ZNF486: variants seen among roughly 807,000 people sequenced by gnomAD.
ZNF486 encodes KRAB box only protein 2.
Under a neutral mutation model 12.8 loss-of-function variants are expected in ZNF486, and 12 were observed. The ratio of observed to expected loss-of-function variants is 0.94; its 90% confidence interval spans 0.60 to 1.52. The LOEUF is 1.52. ZNF486 is among the 40% of genes most tolerant of loss of function. The pLI is 0.00. For synonymous variants in ZNF486, 231 were observed against 184.9 expected, an observed-to-expected ratio of 1.25 and a Z score of -2.02; for missense variants, 738 against 545.0, an observed-to-expected ratio of 1.35 and a Z score of -3.53.
rs2089996473 is a variant in ZNF486 at position 20,199,804 on chromosome 19, G to A, written c.*1702G>A. 1 of 150,288 alleles carries A rather than the reference G, an allele frequency of 6.7e-6. No homozygotes were observed. The highest frequency in any genetic ancestry group is 2.1e-4 in the South Asian group (1 of 4,704). The allele number at this position is 150,288 out of a possible 1,614,324, so 9.3% of individuals were successfully genotyped here. ...AAGTATACTTGTTCCAGCTGCGTGT[G>A]GTGGCTCATGCCTGTAATCCCAACA... On this transcript the variant is annotated 3_prime_UTR_variant, in exon 4 of 4. Coordinates refer to ENST00000335117, the MANE Select transcript of ZNF486 (RefSeq NM_052852.4).
intron 1 of ZNF486, among the ~76,000 whole-genome samples, chr19:20,168,295 G>A (rs927356385): frequency 6.6e-6 from 1 of 151,878 alleles, no homozygotes; most frequent in Non-Finnish European, 1.5e-5. Flanking sequence ...GGAGGCGGAG[G>A]TTGCAGTGAG....
chr19:20,196,309 C>G (rs118168793), intron 3 of ZNF486, among the ~76,000 whole-genome samples: 1 of 152,058 alleles, frequency 6.6e-6, no homozygotes, highest in Non-Finnish European at 1.5e-5. Flanking sequence ...AGCTATCATG[C>G]CTTGTTGGCA....
In ZNF486 at chr19:20,167,272, C is replaced by T. The variant is rs1555713132; in HGVS notation, c.-59C>T. On this transcript the variant is annotated 5_prime_UTR_variant, in exon 1 of 4. Transcript: ENST00000335117. The stretch of plus-strand genomic sequence containing the variant: ...CTTCGCTACTCTGTGTCCTCTGCTC[C>T]TAGAGGCCCACCCTCTGTGGCCCTG... 1.2e-6 allele frequency: 2 copies of T among 1,608,844 alleles called. No homozygotes were observed. The highest frequency in any genetic ancestry group is 1.3e-5 in the African/African-American group (1 of 74,962).
chr19:20,194,938 G>C (rs2089943346), intron 3 of ZNF486, among the ~76,000 whole-genome samples: 1 of 151,854 alleles, frequency 6.6e-6, no homozygotes, highest in African/African-American at 2.4e-5. Context: ...AAATTTTTCA[G>C]TTTTTTATAT....
intron 3 of ZNF486, among the ~76,000 whole-genome samples, chr19:20,193,119 A>T (rs1211195236): frequency 6.6e-6 from 1 of 152,022 alleles, no homozygotes. Flanking sequence ...CATACATCTT[A>T]AAGTTAAAAC....
At chr19:20,177,248 CCT>C (rs1400120094) in intron 1 of ZNF486, among the ~76,000 whole-genome samples, 4 of 152,206 alleles carry the variant, frequency 2.6e-5, no homozygotes, top group African/African-American at 4.8e-5. Flanking sequence ...CAGAGCCACT[CCT>C]CTAAACTGTA....
At chr19:20,192,750 A>ACAGAGTGAGATAGTG (rs1555717353) in intron 3 of ZNF486, among the ~76,000 whole-genome samples, 1 of 152,152 alleles carries the variant, frequency 6.6e-6, no homozygotes, top group Non-Finnish European at 1.5e-5. Flanking sequence ...CATCATAGCC[A>ACAGAGTGAGATAGTG]TCTATGTTTT....
intron 1 of ZNF486, among the ~76,000 whole-genome samples, chr19:20,181,353 C>G (rs2089783045): frequency 6.6e-6 from 1 of 152,078 alleles, no homozygotes; most frequent in South Asian, 2.1e-4. Flanking sequence ...TCCTGGCTAA[C>G]ACGGTGAAAC....
chr19:20,191,190 G>A (rs1293175452), intron 3 of ZNF486, among the ~76,000 whole-genome samples: 1 of 152,216 alleles, frequency 6.6e-6, no homozygotes, highest in African/African-American at 2.4e-5. Context: ...TTATGCACTT[G>A]GCTGGGCACG....
At chr19:20,175,746 C>A (rs565761368) in intron 1 of ZNF486, among the ~76,000 whole-genome samples, 2 of 152,226 alleles carry the variant, frequency 1.3e-5, no homozygotes, top group Non-Finnish European at 2.9e-5. Context: ...TACACAGACA[C>A]GGCAACCATC....
intron 1 of ZNF486, chr19:20,176,119 A>G (rs985706040): frequency 1.2e-4 from 21 of 182,460 alleles, no homozygotes; most frequent in Admixed American, 2.5e-4. Context: ...TGGGGCGGCC[A>G]GGCAGAGACG....
chr19:20,179,075 A>G (rs113095164), intron 1 of ZNF486, among the ~76,000 whole-genome samples: 3 of 152,354 alleles, frequency 2.0e-5, no homozygotes, highest in African/African-American at 7.2e-5. Context: ...TTTTGTCTAA[A>G]TAAAGCAGGT....
At chr19:20,178,244 T>C (rs965910841) in intron 1 of ZNF486, among the ~76,000 whole-genome samples, 1 of 151,234 alleles carries the variant, frequency 6.6e-6, no homozygotes, top group Admixed American at 6.6e-5. Context: ...ATTGTTCTTC[T>C]CTTTTTTTTC....
intron 3 of ZNF486, among the ~76,000 whole-genome samples, chr19:20,186,784 G>GTCTTTTTTTT (rs1555716545): frequency 8.2e-6 from 1 of 122,482 alleles, no homozygotes; most frequent in Non-Finnish European, 1.6e-5. Flanking sequence ...ATTTTCATAG[G>GTCTTTTTTTT]TTTTTTTTTT....
chr19:20,196,735 C>G (rs935999198), intron 3 of ZNF486, among the ~76,000 whole-genome samples: 6 of 151,664 alleles, frequency 4.0e-5, no homozygotes, highest in African/African-American at 1.5e-4. Flanking sequence ...TTGCATTGTG[C>G]TCACCTAGGG....
chr19:20,174,693 A>C (rs1384790409), intron 1 of ZNF486, among the ~76,000 whole-genome samples: 4 of 152,176 alleles, frequency 2.6e-5, no homozygotes, highest in Non-Finnish European at 5.9e-5. Context: ...GTATTTTCTA[A>C]AATAGTATGA....
At position 20,197,790 on chromosome 19, in the gene ZNF486, C is replaced by G; in HGVS notation, c.1080C>G (p.Thr360=). The G allele has an allele frequency of 6.2e-7, 1 of 1,612,754 alleles. No homozygotes were observed. The highest frequency in any genetic ancestry group is 8.5e-7 in the Non-Finnish European group (1 of 1,179,652). The change falls in exon 4 of 4, where the codon ACC becomes ACG. Residue 360 remains threonine (T), a synonymous_variant. Transcript: ENST00000335117. ...YKCEECGKAF[T]RSSHLTMHKI... ...GTGAAGAATGTGGCAAAGCCTTCACCCGCTCCTCACACCTTACTATGCATA... is the reference window on the plus strand; with the variant it reads ...GTGAAGAATGTGGCAAAGCCTTCACGCGCTCCTCACACCTTACTATGCATA...
chr19:20,180,026 T>A (rs1267330242), intron 1 of ZNF486, among the ~76,000 whole-genome samples: 1 of 152,214 alleles, frequency 6.6e-6, no homozygotes, highest in Non-Finnish European at 1.5e-5. Context: ...AAGGCAGTTG[T>A]TTTCTATTCA....
chr19:20,194,601 G>A (rs553894681), intron 3 of ZNF486, among the ~76,000 whole-genome samples: 17 of 152,134 alleles, frequency 1.1e-4, no homozygotes, highest in East Asian at 3.9e-4. Context: ...GGTGGCGCAC[G>A]CCTGTAATCC....
Sources: allele counts gnomAD v4.1 joint callset (sites outside exome capture counted in the v4.1 genomes callset), GRCh38; gene constraint gnomAD v4.1.1; transcripts MANE v1.5; gene names NCBI Gene and HGNC (gene_info 2026-07-23, HGNC 2026-07-21).